NAA11: variants seen among roughly 807,000 people sequenced by gnomAD.
The protein encoded by NAA11 is N-alpha-acetyltransferase 11, NatA catalytic subunit.
A neutral mutation model predicts 16.1 loss-of-function variants in NAA11; 15 were observed. The observed-to-expected ratio is 0.93, with a 90% CI of 0.62 to 1.44. NAA11 has a LOEUF of 1.44. NAA11 is among the 40% of genes most tolerant of loss of function. The pLI, the probability that NAA11 is intolerant of heterozygous loss-of-function variation, is 0.00. For missense variants in NAA11, 298 were observed against 291.3 expected (o/e 1.02, Z -0.17); for synonymous variants, 122 against 112.4 (o/e 1.09, Z -0.54).
At chr4:79,296,863 C>T (rs1480229115) in intron 1 of NAA11, among the ~76,000 whole-genome samples, 1 of 152,200 alleles carries the variant, frequency 6.6e-6, no homozygotes, top group Non-Finnish European at 1.5e-5. Flanking sequence ...ATTCTCACTC[C>T]CATCTAATCC....
chr4:79,290,248 G>A (rs1723048994), intron 2 of NAA11, among the ~76,000 whole-genome samples: 1 of 152,134 alleles, frequency 6.6e-6, no homozygotes, highest in African/African-American at 2.4e-5. Flanking sequence ...TTAGGATGGG[G>A]AGATGGGAGG....
chr4:79,193,283 G>A, the NAA11 span, among the ~76,000 whole-genome samples: 1 of 151,956 alleles, frequency 6.6e-6, no homozygotes, highest in Non-Finnish European at 1.5e-5. Flanking sequence ...GGTGTTTTTG[G>A]CATGAAGTCC....
the NAA11 span, among the ~76,000 whole-genome samples, chr4:79,196,834 G>A: frequency 6.6e-6 from 1 of 151,488 alleles, no homozygotes; most frequent in Non-Finnish European, 1.5e-5. Context: ...AATGTTGAAG[G>A]GAGAAACAGA....
intron 1 of NAA11, among the ~76,000 whole-genome samples, chr4:79,309,378 A>G (rs1723692585): frequency 6.6e-6 from 1 of 152,150 alleles, no homozygotes; most frequent in African/African-American, 2.4e-5. Flanking sequence ...AAAGCATTTC[A>G]TATGTTATTT....
At chr4:79,272,011 CATAT>C (rs753633435) in intron 2 of NAA11, among the ~76,000 whole-genome samples, 4 of 151,554 alleles carry the variant, frequency 2.6e-5, no homozygotes, top group African/African-American at 9.7e-5. Context: ...CACACACACA[CATAT>C]ATATACACAC....
At chr4:79,324,452 C>T (rs1406461041) in intron 1 of NAA11, among the ~76,000 whole-genome samples, 1 of 152,224 alleles carries the variant, frequency 6.6e-6, no homozygotes, top group Admixed American at 6.5e-5. Flanking sequence ...ACAGAAAATG[C>T]TTCATCTTTT....
At chr4:79,311,054 T>G (rs1377182484) in intron 1 of NAA11, among the ~76,000 whole-genome samples, 1 of 152,156 alleles carries the variant, frequency 6.6e-6, no homozygotes, top group Non-Finnish European at 1.5e-5. Context: ...GGTTTATAAT[T>G]TATAAAGCTT....
the NAA11 span, among the ~76,000 whole-genome samples, chr4:79,219,343 G>A: frequency 6.6e-6 from 1 of 152,064 alleles, no homozygotes; most frequent in Admixed American, 6.6e-5. Flanking sequence ...GACTATAACT[G>A]ACCTAATTGA....
At chr4:79,307,381 A>G (rs1055520587) in intron 1 of NAA11, 1 of 152,234 alleles carries the variant, frequency 6.6e-6, no homozygotes, top group African/African-American at 2.4e-5. Flanking sequence ...CCATTCAGAT[A>G]TACTCAGAAG....
chr4:79,182,396 G>A, the NAA11 span, among the ~76,000 whole-genome samples: 1 of 152,146 alleles, frequency 6.6e-6, no homozygotes, highest in African/African-American at 2.4e-5. Flanking sequence ...GGAAGCACAA[G>A]AGCAATGACT....
At chr4:79,313,899 G>T (rs1348838460), downstream of NAA11, among the ~76,000 whole-genome samples, 2 of 152,154 alleles carry the variant, frequency 1.3e-5, no homozygotes, top group Non-Finnish European at 2.9e-5. Flanking sequence ...CTAGGTGTCT[G>T]GTTCCTAACA....
Position 79,252,675 on chromosome 4 carries a change from A to C in NAA11, c.*123-26405T>G, listed in dbSNP as rs1189639771. On this transcript the variant is annotated intron_variant and NMD_transcript_variant, in intron 2 of 2. Transcript: ENST00000511542. ...TTGCAGCTCTGAGGGAAGTATGTCC[A>C]AAGAAAATTCAGTGAGAACAAAGTT... 2.0e-5 allele frequency among the ~76,000 whole-genome samples: 3 copies of C among 152,186 alleles called. No individual in the cohort carries two copies. In the East Asian group the frequency reaches 5.8e-4, roughly 29 times the overall value.
chr4:79,157,569 G>GTATA, the NAA11 span, among the ~76,000 whole-genome samples: 2 of 150,692 alleles, frequency 1.3e-5, no homozygotes, highest in Admixed American at 6.6e-5. Flanking sequence ...GTATATGTAT[G>GTATA]TATATATACA....
the NAA11 span, among the ~76,000 whole-genome samples, chr4:79,187,061 T>G: frequency 6.6e-6 from 1 of 152,262 alleles, no homozygotes; most frequent in African/African-American, 2.4e-5. Context: ...TTATTATTTT[T>G]ATTATTACAT....
intron 2 of NAA11, among the ~76,000 whole-genome samples, chr4:79,245,828 G>A (rs71333814): frequency 3.3e-5 from 5 of 152,166 alleles, no homozygotes; most frequent in South Asian, 2.1e-4. Flanking sequence ...CGGCCGCCAC[G>A]TCTGGGAAGT....
At chr4:79,165,306 A>T in the NAA11 span, among the ~76,000 whole-genome samples, 1 of 152,112 alleles carries the variant, frequency 6.6e-6, no homozygotes, top group Non-Finnish European at 1.5e-5. Context: ...CTGCAATGAG[A>T]AGTGATGGGC....
chr4:79,309,168 TGGCTATGCCTCG>T (rs1444919143), intron 1 of NAA11, among the ~76,000 whole-genome samples: 5 of 152,240 alleles, frequency 3.3e-5, no homozygotes, highest in Non-Finnish European at 4.4e-5. Flanking sequence ...TAATAGCCTC[TGGCTATGCCTCG>T]GGCTGTTAAC....
At chr4:79,260,684 A>G (rs1484111317) in intron 2 of NAA11, among the ~76,000 whole-genome samples, 1 of 152,272 alleles carries the variant, frequency 6.6e-6, no homozygotes, top group Non-Finnish European at 1.5e-5. Context: ...GGGAAACTCA[A>G]CTTCATCTAG....
chr4:79,254,008 C>T (rs188886443), intron 2 of NAA11, among the ~76,000 whole-genome samples: 1 of 152,222 alleles, frequency 6.6e-6, no homozygotes, highest in Non-Finnish European at 1.5e-5. Flanking sequence ...AGGGCATGCT[C>T]TGCCTCACAT....
Sources: gnomAD v4.1 joint callset for allele counts (sites outside exome capture counted in the v4.1 genomes callset) on GRCh38, gnomAD v4.1.1 for gene constraint, MANE v1.5 for transcripts, NCBI Gene and HGNC (gene_info 2026-07-23, HGNC 2026-07-21) for gene names.